Variants in ZFAT observed in about 807,000 individuals in gnomAD.
ZFAT encodes the protein zinc finger protein ZFAT.
In ZFAT, 64 loss-of-function variants were observed where a neutral mutation model predicts 117.7. The ratio of observed to expected loss-of-function variants is 0.54; its 90% CI spans 0.44 to 0.67. The LOEUF (loss-of-function observed/expected upper bound fraction) is 0.67. Ranked by LOEUF, ZFAT falls within the 30% of genes least tolerant of loss-of-function variation. The pLI, the probability that ZFAT is intolerant of heterozygous loss-of-function variation, is 0.00. For missense variants in ZFAT, 1,433 were observed against 1,584.5 expected, an observed-to-expected ratio of 0.90 and a Z score of 1.62; for synonymous variants, 679 against 615.0, an observed-to-expected ratio of 1.10 and a Z score of -1.54.
chr8:134,651,923 C>T (rs745334625), intron 2 of ZFAT, among the ~76,000 whole-genome samples: 33 of 151,016 alleles, frequency 2.2e-4, no homozygotes, highest in Non-Finnish European at 4.1e-4. Flanking sequence ...ATCCTAACAA[C>T]AATAAAAGCC....
chr8:134,814,784 A>G, the ZFAT span, among the ~76,000 whole-genome samples: 2 of 152,212 alleles, frequency 1.3e-5, no homozygotes, highest in Admixed American at 6.5e-5. Context: ...ACTGTTTGAC[A>G]CATCCCAATA....
At chr8:134,513,782 A>G (rs980904612) in intron 13 of ZFAT, among the ~76,000 whole-genome samples, 6 of 152,342 alleles carry the variant, frequency 3.9e-5, no homozygotes, top group East Asian at 1.9e-4. Flanking sequence ...CTATAAGCAT[A>G]TATCAGTAAA....
chr8:134,670,681 C>A (rs528010941), intron 1 of ZFAT, among the ~76,000 whole-genome samples: 1 of 152,244 alleles, frequency 6.6e-6, no homozygotes, highest in South Asian at 2.1e-4. Context: ...CCTAACGTCA[C>A]AATTAAAAGA....
chr8:134,561,896 T>C (rs192137681), intron 11 of ZFAT, among the ~76,000 whole-genome samples: 1 of 152,334 alleles, frequency 6.6e-6, no homozygotes, highest in Admixed American at 6.5e-5. Flanking sequence ...GGGGTATGGT[T>C]GGCAGAATAA....
At chr8:134,506,779 G>A (rs965487111) in intron 15 of ZFAT, among the ~76,000 whole-genome samples, 4 of 152,168 alleles carry the variant, frequency 2.6e-5, no homozygotes, top group Non-Finnish European at 5.9e-5. Flanking sequence ...AGCAACTTAT[G>A]TACAATGTAG....
chr8:134,599,555 A>C, intron 7 of ZFAT: 5 of 328,516 alleles, frequency 1.5e-5, no homozygotes, highest in South Asian at 1.2e-4. Context: ...CCAGGTATCC[A>C]ACCCCAAAGC....
the ZFAT span, among the ~76,000 whole-genome samples, chr8:134,832,058 C>CGCCCCGA: frequency 6.7e-6 from 1 of 148,618 alleles, no homozygotes; most frequent in Middle Eastern, 3.5e-3. Context: ...CAGCGCCCCG[C>CGCCCCGA]GCCCCGAGCC....
chr8:134,762,480 G>T, the ZFAT span, among the ~76,000 whole-genome samples: 1 of 152,040 alleles, frequency 6.6e-6, no homozygotes, highest in African/African-American at 2.4e-5. Context: ...ATCCTTTTTG[G>T]TAGCCTTTCC....
the ZFAT span, chr8:134,797,141 G>A: frequency 1.3e-5 from 2 of 152,086 alleles, no homozygotes; most frequent in Non-Finnish European, 2.9e-5. Flanking sequence ...AATACTGACT[G>A]TGCTACTGAC....
chr8:134,483,110 CTG>C (rs1277235468), intron 15 of ZFAT, among the ~76,000 whole-genome samples: 3 of 152,236 alleles, frequency 2.0e-5, no homozygotes, highest in African/African-American at 7.2e-5. Flanking sequence ...TGATCACACT[CTG>C]TTTGCTTTTA....
Position 134,712,936 on chromosome 8 carries a change from C to CG in ZFAT, c.-74dup. On this transcript the variant is annotated 5_prime_UTR_variant, in exon 1 of 16. Coordinates refer to ENST00000377838, the MANE Select transcript of ZFAT (RefSeq NM_020863.4). ...CCCCCTCCCGTGCCGACCGAGGGGG[C>CG]GGGGCGCCCTGCTGACGCTTCGCTT... 1 of 1,433,448 alleles carries CG rather than the reference C, an allele frequency of 7.0e-7. No homozygotes were observed. The highest frequency in any genetic ancestry group is 9.2e-7 in the Non-Finnish European group (1 of 1,090,550). The allele number at this position is 1,433,448 out of a possible 1,614,324, so 88.8% of individuals were successfully genotyped here.
At chr8:134,527,382 C>A (rs1821102050) in intron 12 of ZFAT, among the ~76,000 whole-genome samples, 2 of 152,192 alleles carry the variant, frequency 1.3e-5, no homozygotes, top group Non-Finnish European at 2.9e-5. Flanking sequence ...AGGCAACTAA[C>A]ACAGGCACTG....
chr8:134,716,760 T>G (rs1175486883), upstream of ZFAT, among the ~76,000 whole-genome samples: 1 of 152,212 alleles, frequency 6.6e-6, no homozygotes, highest in East Asian at 1.9e-4. Context: ...TAACATTGTA[T>G]ATGCAAAAAT....
intron 2 of ZFAT, among the ~76,000 whole-genome samples, chr8:134,648,156 A>G (rs1831008044): frequency 6.6e-6 from 1 of 152,142 alleles, no homozygotes; most frequent in Middle Eastern, 3.4e-3. Flanking sequence ...AACTTACACA[A>G]TTTTGTCAAG....
intron 2 of ZFAT, among the ~76,000 whole-genome samples, chr8:134,655,231 T>C (rs535627259): frequency 4.6e-5 from 7 of 152,366 alleles, no homozygotes; most frequent in East Asian, 1.9e-4. Flanking sequence ...TGAATGGCAC[T>C]GTCTCTCACT....
chr8:134,648,391 G>A (rs1044056927), intron 2 of ZFAT, among the ~76,000 whole-genome samples: 1 of 151,746 alleles, frequency 6.6e-6, no homozygotes, highest in African/African-American at 2.4e-5. Context: ...GTTTTTCAAA[G>A]ATTAAGAAAA....
chr8:134,615,780 AT>A (rs1828684651), intron 3 of ZFAT, among the ~76,000 whole-genome samples: 1 of 152,238 alleles, frequency 6.6e-6, no homozygotes, highest in South Asian at 2.1e-4. Flanking sequence ...ATTACATTCT[AT>A]TCTTGAAAGC....
chr8:134,519,253 A>G (rs568416289), intron 13 of ZFAT, among the ~76,000 whole-genome samples: 2 of 152,286 alleles, frequency 1.3e-5, no homozygotes, highest in South Asian at 4.1e-4. Context: ...CATCTTTATG[A>G]TATTGAGTAT....
chr8:134,595,976 G>A (rs1236967761), intron 7 of ZFAT, among the ~76,000 whole-genome samples: 1 of 152,204 alleles, frequency 6.6e-6, no homozygotes, highest in Non-Finnish European at 1.5e-5. Flanking sequence ...GCTGAAAGCA[G>A]TAAACACTGA....
Sources: allele counts gnomAD v4.1 joint callset (sites outside exome capture counted in the v4.1 genomes callset), GRCh38; gene constraint gnomAD v4.1.1; transcripts MANE v1.5; gene names NCBI Gene and HGNC (gene_info 2026-07-23, HGNC 2026-07-21).